EML6: variants seen among roughly 807,000 people sequenced by gnomAD.
The protein encoded by EML6 is EMAP like 6, also known as echinoderm microtubule-associated protein-like 6.
EML6 carries 154 observed loss-of-function variants against 240.1 expected under a neutral mutation model. The ratio of observed to expected loss-of-function variants is 0.64; its 90% CI spans 0.56 to 0.73. EML6 has a LOEUF of 0.73. EML6 is among the 30% of genes least tolerant of loss of function. The probability of loss-of-function intolerance (pLI) is 0.00; values close to 1 mark genes in which losing one functional copy is unlikely to be tolerated. For missense variants in EML6, 2,964 were observed against 2,474.6 expected, an observed-to-expected ratio of 1.20 and a Z score of -4.20; for synonymous variants, 1,148 against 899.0, an observed-to-expected ratio of 1.28 and a Z score of -4.95.
chr2:54,846,154 G>C (rs991650730), intron 8 of EML6, among the ~76,000 whole-genome samples: 1 of 152,102 alleles, frequency 6.6e-6, no homozygotes, highest in Non-Finnish European at 1.5e-5. Flanking sequence ...AGTCCTGTGA[G>C]GTGTCCACCC....
At chr2:54,869,547 T>C (rs57153405) in intron 15 of EML6, among the ~76,000 whole-genome samples, 180 bp downstream of exon 15, 5,990 of 152,260 alleles carry the variant, frequency 0.039, 407 homozygotes, top group African/African-American at 0.13. Flanking sequence ...CATTTTAGCA[T>C]TATTGGGAGA....
chr2:54,792,303 T>C (rs1669496422), intron 2 of EML6, among the ~76,000 whole-genome samples: 1 of 152,226 alleles, frequency 6.6e-6, no homozygotes, highest in African/African-American at 2.4e-5. Flanking sequence ...GCTTCCCCTA[T>C]ATTATTGGTG....
intron 28 of EML6, among the ~76,000 whole-genome samples, chr2:54,929,771 G>T (rs573881094): frequency 1.3e-5 from 2 of 152,156 alleles, no homozygotes; most frequent in African/African-American, 4.8e-5. Flanking sequence ...TTGGTAAATG[G>T]TGGGTGTGCT....
chr2:54,847,450 G>GGTTTT (rs1410649974), intron 8 of EML6, 36 bp from the exon 9 acceptor site: 1 of 1,542,708 alleles, frequency 6.5e-7, no homozygotes, highest in African/African-American at 1.4e-5. Flanking sequence ...ATGGGAAGTT[G>GGTTTT]GTTTTGTTTT....
In EML6 at chr2:54,847,568, G is replaced by C. The variant is rs1669833497; in HGVS notation, c.1132G>C (p.Gly378Arg). Residue 378 changes from glycine to arginine, a missense_variant, in exon 9 of 42, where the codon GGA (glycine) becomes CGA (arginine). By Grantham distance (125) the Gly-to-Arg change is moderately radical (BLOSUM62 -2). Transcript: ENST00000356458. Reference sequence around the variant, plus strand: ...TCGCAGTGTAGCTTTCAGCCCCGACGGATCTCAGCTGGCCCTGGGCATGAA... The same window carrying C: ...TCGCAGTGTAGCTTTCAGCCCCGACCGATCTCAGCTGGCCCTGGGCATGAA... Reference protein sequence around the residue: ...AVRSVAFSPDGSQLALGMKDG... With the variant: ...AVRSVAFSPDRSQLALGMKDG... The C allele has an allele frequency of 6.4e-7, 1 of 1,552,312 alleles. No individual in the cohort carries two copies.
intron 8 of EML6, 36 bp from the exon 9 acceptor site, chr2:54,847,450 G>C: frequency 6.5e-7 from 1 of 1,542,834 alleles, no homozygotes; most frequent in Non-Finnish European, 8.8e-7. Flanking sequence ...ATGGGAAGTT[G>C]GTTTTGTTTT....
chr2:54,954,756 G>A (rs10746530), intron 32 of EML6, among the ~76,000 whole-genome samples: 134,086 of 152,256 alleles, frequency 0.88, 59,153 homozygotes, highest in Middle Eastern at 0.97. Context: ...AACTGAATGT[G>A]TGGTCATCTT....
At chr2:54,933,647 G>T (rs914584334) in intron 28 of EML6, among the ~76,000 whole-genome samples, 1 of 151,984 alleles carries the variant, frequency 6.6e-6, no homozygotes, top group African/African-American at 2.4e-5. Context: ...GGCACCAATC[G>T]CTTGAACCCA....
intron 2 of EML6, among the ~76,000 whole-genome samples, chr2:54,795,551 A>T (rs1259529815): frequency 6.6e-6 from 1 of 152,174 alleles, no homozygotes; most frequent in Non-Finnish European, 1.5e-5. Context: ...GATAGGGACC[A>T]ATTTAAAAAG....
intron 16 of EML6, among the ~76,000 whole-genome samples, 196 bp downstream of exon 16, chr2:54,871,801 C>T (rs1444642383): frequency 6.6e-6 from 1 of 152,250 alleles, no homozygotes; most frequent in Non-Finnish European, 1.5e-5. Context: ...CATAGGAATA[C>T]CTCACCAAAA....
At chr2:54,829,230 G>A in intron 6 of EML6, 112 bp from the exon 7 acceptor site, 1 of 944,584 alleles carries the variant, frequency 1.1e-6, no homozygotes, top group Non-Finnish European at 1.5e-6. Flanking sequence ...GAGAACAAAG[G>A]GGTTTTATTT....
chr2:54,772,232 C>T (rs767352466), intron 2 of EML6, among the ~76,000 whole-genome samples: 9 of 152,192 alleles, frequency 5.9e-5, no homozygotes, highest in African/African-American at 2.2e-4. Flanking sequence ...GATGAAAGAG[C>T]TTCCAATCTA....
At chr2:54,775,871 G>A (rs191642455) in intron 2 of EML6, among the ~76,000 whole-genome samples, 1 of 152,116 alleles carries the variant, frequency 6.6e-6, no homozygotes, top group East Asian at 1.9e-4. Flanking sequence ...ATATATTATT[G>A]TTGTAAATAC....
intron 35 of EML6, 49 bp from the exon 36 acceptor site, chr2:54,962,474 C>T (rs1426957326): frequency 7.3e-7 from 1 of 1,369,758 alleles, no homozygotes; most frequent in South Asian, 1.5e-5. Context: ...CATATGAGTG[C>T]AGTCATACAG....
chr2:54,839,659 G>A (rs542791155), intron 7 of EML6, among the ~76,000 whole-genome samples: 7 of 152,288 alleles, frequency 4.6e-5, no homozygotes, highest in African/African-American at 1.2e-4. Flanking sequence ...AAATGAAATC[G>A]GAGATGGTGA....
At chr2:54,942,239 T>C (rs1275725802) in intron 28 of EML6, among the ~76,000 whole-genome samples, 1 of 152,154 alleles carries the variant, frequency 6.6e-6, no homozygotes, top group East Asian at 1.9e-4. Context: ...GGAAAATGAT[T>C]TTTAGAAGCT....
intron 16 of EML6, among the ~76,000 whole-genome samples, chr2:54,878,518 A>G (rs1671643518): frequency 6.6e-6 from 1 of 152,232 alleles, no homozygotes. Context: ...TTTTGTCTTG[A>G]AGGGAAAAAG....
intron 38 of EML6, among the ~76,000 whole-genome samples, chr2:54,966,292 C>T (rs746844710): frequency 6.6e-6 from 1 of 152,160 alleles, no homozygotes; most frequent in Non-Finnish European, 1.5e-5. Flanking sequence ...AGGTGTTAGC[C>T]AACAGAGAGG....
chr2:54,779,236 T>C (rs1252411090), intron 2 of EML6, among the ~76,000 whole-genome samples: 1 of 152,108 alleles, frequency 6.6e-6, no homozygotes, highest in Non-Finnish European at 1.5e-5. Context: ...TAGCTTGTTC[T>C]TTTAGAATAT....
Sources: allele counts gnomAD v4.1 joint callset (sites outside exome capture counted in the v4.1 genomes callset), GRCh38; gene constraint gnomAD v4.1.1; transcripts MANE v1.5; gene names NCBI Gene and HGNC (gene_info 2026-07-23, HGNC 2026-07-21).